M1AP: variants seen among roughly 807,000 people sequenced by gnomAD.
The protein encoded by M1AP is meiosis 1 arrest protein.
In M1AP, 39 loss-of-function variants were observed where a neutral mutation model predicts 51.2. The ratio of observed to expected loss-of-function variants is 0.76; its 90% confidence interval spans 0.59 to 1.00. The LOEUF is 1.00. M1AP is among the 50% of genes least tolerant of loss of function. M1AP has a pLI of 0.00. For synonymous variants in M1AP, 251 were observed against 249.2 expected (o/e 1.01, Z -0.07); for missense variants, 545 against 641.2 (o/e 0.85, Z 1.62).
chr2:74,576,426 A>G (rs779306793), intron 6 of M1AP, 30 bp downstream of exon 6: 1 of 1,609,888 alleles, frequency 6.2e-7, no homozygotes, highest in South Asian at 1.1e-5. Context: ...TAGCATTTGC[A>G]TGGATTGGGG....
chr2:74,589,425 G>C (rs1679911213), intron 4 of M1AP, among the ~76,000 whole-genome samples: 2 of 152,214 alleles, frequency 1.3e-5, no homozygotes, highest in African/African-American at 2.4e-5. Context: ...GTATTGCTCA[G>C]GAACTGTGCA....
At position 74,594,581 on chromosome 2, in the gene M1AP, G is replaced by C. The variant is rs577463506; in HGVS notation, c.595+12474C>G. ...AAAATTTCCCAAGTTGGGTTAAGAT[G>C]TAAATTTACAGGCTGGGCATGGTGA... On this transcript the variant is annotated intron_variant, in intron 4 of 10. Transcript: ENST00000421985. Among the ~76,000 whole-genome samples the C allele has an allele frequency of 9.9e-4, 150 of 152,244 alleles. 1 individual carries two copies. Among genetic ancestry groups the C allele is most frequent in the African/African-American group, 3.4e-3 (143 of 41,558 alleles).
At chr2:74,578,593 T>C (rs968819733) in intron 5 of M1AP, among the ~76,000 whole-genome samples, 1 of 152,140 alleles carries the variant, frequency 6.6e-6, no homozygotes, top group African/African-American at 2.4e-5. Context: ...GAACCAGGTG[T>C]GCTTCTCCCA....
intron 7 of M1AP, among the ~76,000 whole-genome samples, chr2:74,570,179 G>A (rs1204983486): frequency 1.3e-5 from 2 of 152,140 alleles, no homozygotes; most frequent in African/African-American, 2.4e-5. Context: ...AATACTTAGT[G>A]AGGGTAAGCA....
chr2:74,603,464 T>G (rs533916604), intron 4 of M1AP, among the ~76,000 whole-genome samples: 16 of 152,230 alleles, frequency 1.1e-4, no homozygotes, highest in Non-Finnish European at 2.2e-4. Context: ...AGACCACAAG[T>G]GATGTCGTTG....
At chr2:74,619,714 T>G (rs1681891858) in intron 2 of M1AP, among the ~76,000 whole-genome samples, 1 of 152,212 alleles carries the variant, frequency 6.6e-6, no homozygotes, top group African/African-American at 2.4e-5. Flanking sequence ...TAATCCATAG[T>G]GTTCATCTCA....
chr2:74,616,431 C>G (rs750716244), intron 2 of M1AP, among the ~76,000 whole-genome samples: 1 of 152,088 alleles, frequency 6.6e-6, no homozygotes, highest in Non-Finnish European at 1.5e-5. Flanking sequence ...TGATACTCAC[C>G]ATTATTCAGT....
chr2:74,647,329 C>G, intron 1 of M1AP: 1 of 985,396 alleles, frequency 1.0e-6, no homozygotes, highest in Non-Finnish European at 1.2e-6. Context: ...CTGTTCCGTG[C>G]TGAGCATTCT....
At chr2:74,619,957 C>G (rs1681905938) in intron 2 of M1AP, among the ~76,000 whole-genome samples, 1 of 152,186 alleles carries the variant, frequency 6.6e-6, no homozygotes, top group Non-Finnish European at 1.5e-5. Flanking sequence ...CCAGGAAACT[C>G]CCCCAGATAC....
At chr2:74,611,900 T>TTG (rs1339234523) in intron 3 of M1AP, among the ~76,000 whole-genome samples, 1 of 93,978 alleles carries the variant, frequency 1.1e-5, no homozygotes, top group Non-Finnish European at 2.2e-5. Flanking sequence ...TTTTTTTTTT[T>TTG]TTTTTTTTTT....
chr2:74,618,980 T>C lies in M1AP; in HGVS notation c.241-3831A>G, dbSNP rs1558685718. On this transcript the variant is annotated intron_variant, in intron 2 of 10. Coordinates refer to ENST00000421985, the MANE Select transcript of M1AP (RefSeq NM_001321739.2). ...AATGTCTTCATCTATAGCAGAACCATGGGCCCTCATCTCTGCCTTCATGCA... is the reference window on the plus strand; with the variant it reads ...AATGTCTTCATCTATAGCAGAACCACGGGCCCTCATCTCTGCCTTCATGCA... 3 of 533,598 alleles carry C rather than the reference T, an allele frequency of 5.6e-6. No homozygotes were observed. The East Asian group carries it at 1.6e-4, about 29-fold the overall frequency. 33.1% of individuals were successfully genotyped at this position (533,598 alleles called of 1,614,324 possible). A position where few individuals can be genotyped will look rare whatever the true frequency, so the allele number is the denominator to read the frequency against.
intron 1 of M1AP, among the ~76,000 whole-genome samples, chr2:74,646,541 A>G (rs1046434799): frequency 2.6e-5 from 4 of 152,228 alleles, no homozygotes; most frequent in African/African-American, 9.6e-5. Flanking sequence ...TTTCAGAGAT[A>G]TTTTACAAAA....
intron 1 of M1AP, chr2:74,647,237 C>A: frequency 1.0e-6 from 1 of 985,392 alleles, no homozygotes. Flanking sequence ...TCCATCCTCA[C>A]ACTAGGCCCT....
chr2:74,619,677 C>T (rs963970817), intron 2 of M1AP, among the ~76,000 whole-genome samples: 3 of 152,164 alleles, frequency 2.0e-5, no homozygotes, highest in Admixed American at 2.0e-4. Flanking sequence ...ACACAAGATA[C>T]ATAAATATTT....
rs534921464 is a variant in M1AP, at chr2:74,589,520, T to C, written c.596-7673A>G. Reference sequence around the variant, plus strand: ...CTTCTAAACAACTACTGAATTAGCATTTTAAAAATATTTGTTTGAAGGTGT... The same window carrying C: ...CTTCTAAACAACTACTGAATTAGCACTTTAAAAATATTTGTTTGAAGGTGT... On this transcript the variant is annotated intron_variant, in intron 4 of 10. Transcript: ENST00000421985. Among the ~76,000 whole-genome samples the C allele has an allele frequency of 2.0e-5, 3 of 152,350 alleles. No homozygotes were observed. In the East Asian group the frequency reaches 5.8e-4, roughly 29 times the overall value.
intron 7 of M1AP, among the ~76,000 whole-genome samples, chr2:74,571,763 G>A (rs1316823627): frequency 6.6e-6 from 1 of 152,206 alleles, no homozygotes; most frequent in African/African-American, 2.4e-5. Flanking sequence ...TTGGGAGGCT[G>A]AGGTGGGCAG....
At chr2:74,621,300 C>A (rs1682016718) in intron 2 of M1AP, among the ~76,000 whole-genome samples, 2 of 150,404 alleles carry the variant, frequency 1.3e-5, no homozygotes, top group Admixed American at 1.3e-4. Flanking sequence ...CCCCAAAAAA[C>A]AAAAAAGCAC....
At chr2:74,605,258 A>C (rs1441211908) in intron 4 of M1AP, among the ~76,000 whole-genome samples, 1 of 152,200 alleles carries the variant, frequency 6.6e-6, no homozygotes, top group Non-Finnish European at 1.5e-5. Context: ...AAACATCCTC[A>C]CAAATGCACA....
intron 7 of M1AP, among the ~76,000 whole-genome samples, chr2:74,564,959 G>A (rs1014948058): frequency 4.6e-5 from 7 of 152,136 alleles, no homozygotes; most frequent in East Asian, 1.9e-4. Flanking sequence ...AGTGGCTCAC[G>A]CCTGTAATGC....
Sources: gnomAD v4.1 joint callset for allele counts (sites outside exome capture counted in the v4.1 genomes callset) on GRCh38, gnomAD v4.1.1 for gene constraint, MANE v1.5 for transcripts, NCBI Gene and HGNC (gene_info 2026-07-23, HGNC 2026-07-21) for gene names.